Variants in RPS6KC1 observed in about 807,000 individuals in gnomAD.
The protein encoded by RPS6KC1 is ribosomal protein S6 kinase C1.
Under a neutral mutation model 103.8 loss-of-function variants are expected in RPS6KC1, and 54 were observed. That is an observed-to-expected ratio of 0.52 (90% confidence interval 0.42 to 0.65). The LOEUF is 0.65. Ranked by LOEUF, RPS6KC1 falls within the 30% of genes least tolerant of loss-of-function variation. The pLI is 0.00. For synonymous variants in RPS6KC1, 439 were observed against 438.7 expected, an observed-to-expected ratio of 1.00 and a Z score of -0.01; for missense variants, 1,151 against 1,253.8, an observed-to-expected ratio of 0.92 and a Z score of 1.24.
chr1:213,709,581 T>C, the RPS6KC1 span, among the ~76,000 whole-genome samples: 1 of 152,224 alleles, frequency 6.6e-6, no homozygotes, highest in Non-Finnish European at 1.5e-5. Context: ...AGTTATTTCT[T>C]GCCTTCTGCT....
chr1:213,846,699 TA>T, the RPS6KC1 span, among the ~76,000 whole-genome samples: 1 of 152,206 alleles, frequency 6.6e-6, no homozygotes, highest in Non-Finnish European at 1.5e-5. Flanking sequence ...ATCACTCATC[TA>T]TATCATATAT....
At chr1:213,215,813 A>C (rs905379116) in intron 8 of RPS6KC1, among the ~76,000 whole-genome samples, 23 of 152,256 alleles carry the variant, frequency 1.5e-4, no homozygotes, top group African/African-American at 3.1e-4. Context: ...AAATACTTTA[A>C]AGACAAGCAA....
the RPS6KC1 span, among the ~76,000 whole-genome samples, chr1:213,680,845 C>G: frequency 7.2e-5 from 11 of 152,168 alleles, no homozygotes; most frequent in Non-Finnish European, 1.5e-4. Context: ...ACTCATTTGT[C>G]AACTTCCTCT....
the RPS6KC1 span, among the ~76,000 whole-genome samples, chr1:213,401,498 G>C: frequency 1.3e-5 from 2 of 152,192 alleles, no homozygotes; most frequent in African/African-American, 4.8e-5. Context: ...GGAGTGTGCT[G>C]TCTATGTTCT....
chr1:213,108,676 T>G (rs2082719660), intron 4 of RPS6KC1, among the ~76,000 whole-genome samples: 1 of 151,034 alleles, frequency 6.6e-6, no homozygotes, highest in Non-Finnish European at 1.5e-5. Flanking sequence ...TTTTAAAGAA[T>G]TGGGGTCTCA....
chr1:213,055,610 G>A (rs2077273361), intron 1 of RPS6KC1, among the ~76,000 whole-genome samples: 1 of 152,120 alleles, frequency 6.6e-6, no homozygotes, highest in Non-Finnish European at 1.5e-5. Flanking sequence ...TTTATACTAA[G>A]TTTTGAAATC....
chr1:213,091,690 A>G (rs986911284), intron 3 of RPS6KC1, among the ~76,000 whole-genome samples: 8 of 152,240 alleles, frequency 5.3e-5, no homozygotes, highest in African/African-American at 1.2e-4. Flanking sequence ...AAAAAATTTT[A>G]AAGTATTGGG....
intron 8 of RPS6KC1, among the ~76,000 whole-genome samples, chr1:213,215,631 AG>A (rs1428703006): frequency 6.6e-6 from 1 of 152,232 alleles, no homozygotes; most frequent in African/African-American, 2.4e-5. Context: ...CCAGAGAGAA[AG>A]GTCGGGTTAC....
the RPS6KC1 span, among the ~76,000 whole-genome samples, chr1:213,323,304 G>A: frequency 6.6e-6 from 1 of 152,112 alleles, no homozygotes; most frequent in Non-Finnish European, 1.5e-5. Flanking sequence ...AAGTTTTGGG[G>A]ATTCGGTTGG....
intron 8 of RPS6KC1, among the ~76,000 whole-genome samples, chr1:213,224,179 C>A (rs1051276449): frequency 1.1e-4 from 17 of 152,194 alleles, no homozygotes; most frequent in Non-Finnish European, 2.9e-5. Flanking sequence ...CCTTCTCCCT[C>A]TTTTCTTTGC....
the RPS6KC1 span, among the ~76,000 whole-genome samples, chr1:213,407,086 A>G: frequency 6.6e-6 from 1 of 152,092 alleles, no homozygotes; most frequent in Admixed American, 6.5e-5. Flanking sequence ...TCCTACCCGG[A>G]GGCCTGACAT....
chr1:213,145,215 CAAAT>C (rs1026456541), intron 6 of RPS6KC1, among the ~76,000 whole-genome samples: 1 of 152,120 alleles, frequency 6.6e-6, no homozygotes, highest in Non-Finnish European at 1.5e-5. Context: ...TGAGAGGAAA[CAAAT>C]GAAGTTAGGC....
At chr1:213,773,498 A>G in the RPS6KC1 span, among the ~76,000 whole-genome samples, 2 of 148,482 alleles carry the variant, frequency 1.3e-5, no homozygotes, top group African/African-American at 2.4e-5. Context: ...GATATATAAT[A>G]CAGATATTAT....
chr1:213,757,485 C>T, the RPS6KC1 span, among the ~76,000 whole-genome samples: 276 of 152,208 alleles, frequency 1.8e-3, no homozygotes, highest in Admixed American at 4.8e-3. Context: ...CTCTTCAATT[C>T]GATGAAGACT....
the RPS6KC1 span, among the ~76,000 whole-genome samples, chr1:213,371,036 G>A: frequency 6.6e-6 from 1 of 151,900 alleles, no homozygotes; most frequent in South Asian, 2.1e-4. Flanking sequence ...CATTCACAAG[G>A]TTGTGCAGCC....
intron 12 of RPS6KC1, among the ~76,000 whole-genome samples, chr1:213,246,749 G>A (rs1259043166): frequency 6.6e-6 from 1 of 151,400 alleles, no homozygotes; most frequent in Non-Finnish European, 1.5e-5. Flanking sequence ...GTACTACTAA[G>A]CATATAAAAT....
chr1:213,069,802 T>C (rs573609550), intron 1 of RPS6KC1, among the ~76,000 whole-genome samples: 1 of 152,376 alleles, frequency 6.6e-6, no homozygotes, highest in East Asian at 1.9e-4. Context: ...TACACCATTG[T>C]AGCTTCAAAA....
At chr1:213,437,655 C>T in the RPS6KC1 span, among the ~76,000 whole-genome samples, 1 of 151,964 alleles carries the variant, frequency 6.6e-6, no homozygotes, top group Non-Finnish European at 1.5e-5. Context: ...TAAATAGATA[C>T]ACACTATTCA....
At chr1:213,433,807 T>C in the RPS6KC1 span, among the ~76,000 whole-genome samples, 1 of 152,254 alleles carries the variant, frequency 6.6e-6, no homozygotes, top group African/African-American at 2.4e-5. Context: ...GTTTGGTTAC[T>C]ATTATTGAGT....
Sources: gnomAD v4.1 joint callset for allele counts (sites outside exome capture counted in the v4.1 genomes callset) on GRCh38, gnomAD v4.1.1 for gene constraint, MANE v1.5 for transcripts, NCBI Gene and HGNC (gene_info 2026-07-23, HGNC 2026-07-21) for gene names.